INO80: variants seen among roughly 807,000 people sequenced by gnomAD.
INO80 encodes the protein chromatin-remodeling ATPase INO80.
Under a neutral mutation model 203.4 loss-of-function variants are expected in INO80, and 20 were observed. That is an observed-to-expected ratio of 0.10 (90% CI 0.07 to 0.14). INO80 has a LOEUF of 0.14. Ranked by LOEUF, INO80 falls within the 10% of genes least tolerant of loss-of-function variation. INO80 has a pLI of 1.00. For synonymous variants in INO80, 726 were observed against 685.2 expected, an observed-to-expected ratio of 1.06 and a Z score of -0.93; for missense variants, 1,419 against 1,914.4, an observed-to-expected ratio of 0.74 and a Z score of 4.83.
intron 6 of INO80, among the ~76,000 whole-genome samples, chr15:41,085,941 C>T (rs550872066): frequency 1.3e-5 from 2 of 152,258 alleles, no homozygotes; most frequent in African/African-American, 4.8e-5. Flanking sequence ...CTCACTGCAA[C>T]CTCCACCTCC....
At chr15:41,009,115 A>G (rs1194889949) in intron 27 of INO80, among the ~76,000 whole-genome samples, 1 of 152,234 alleles carries the variant, frequency 6.6e-6, no homozygotes, top group Non-Finnish European at 1.5e-5. Context: ...TGCAGGCATC[A>G]GCCACCACAC....
intron 25 of INO80, among the ~76,000 whole-genome samples, chr15:41,022,268 T>C (rs990652045): frequency 5.3e-5 from 8 of 152,196 alleles, no homozygotes; most frequent in Non-Finnish European, 1.0e-4. Flanking sequence ...GATCAGAACA[T>C]AAAACACCGG....
chr15:41,012,201 T>G (rs1254918579), intron 27 of INO80, among the ~76,000 whole-genome samples: 1 of 152,204 alleles, frequency 6.6e-6, no homozygotes, highest in Non-Finnish European at 1.5e-5. Flanking sequence ...AAGTTCTGCC[T>G]GACATCCAGC....
intron 14 of INO80, among the ~76,000 whole-genome samples, chr15:41,066,141 G>A (rs2045209107): frequency 6.6e-6 from 1 of 151,710 alleles, no homozygotes; most frequent in Admixed American, 6.6e-5. Flanking sequence ...ACCATGCCCA[G>A]CTAATTTTGT....
intron 29 of INO80, among the ~76,000 whole-genome samples, chr15:40,993,771 A>AT (rs1234061155): frequency 6.6e-5 from 1 of 15,086 alleles, no homozygotes; most frequent in Non-Finnish European, 1.4e-4. Flanking sequence ...AAAATAAATA[A>AT]ATAAATAAAA....
chr15:40,997,290 C>A, intron 29 of INO80, among the ~76,000 whole-genome samples: 1 of 151,744 alleles, frequency 6.6e-6, no homozygotes. Context: ...AAAACAAAAA[C>A]AAAAAAACTT....
At chr15:41,084,148 C>G (rs2045524975) in intron 7 of INO80, among the ~76,000 whole-genome samples, 1 of 151,244 alleles carries the variant, frequency 6.6e-6, no homozygotes, top group Admixed American at 6.6e-5. Flanking sequence ...ACTGGTGAAT[C>G]TCACTTAAGG....
chr15:41,090,393 T>A (rs59289835), intron 5 of INO80, among the ~76,000 whole-genome samples: 2 of 151,694 alleles, frequency 1.3e-5, no homozygotes, highest in Non-Finnish European at 2.9e-5. Flanking sequence ...CTGGCCAACA[T>A]GGTGAAAACC....
In INO80 at chr15:40,982,912, G is replaced by A. The variant is rs1322503324; in HGVS notation, c.4403C>T (p.Ala1468Val). 6.2e-7 allele frequency: 1 copy of A among 1,613,838 alleles called. No homozygotes were observed. Among genetic ancestry groups the A allele is most frequent in the Non-Finnish European group, 8.5e-7 (1 of 1,180,034 alleles). ...AAMAGAKAGA[A>V]AASAAAYAAY... is the part of the protein sequence containing the mutation. ...GGCATAGGCAGCTGCAGAGGCCGCT[G>A]CAGCCCCGGCTTTGGCTCCTGCCAT... The change falls in exon 35 of 36, where the codon GCA becomes GTA. Residue 1468 changes from alanine (A) to valine (V), a missense_variant. This residue lies in a region of INO80 where 8 missense variants were observed against 25.0 expected (regional missense o/e 0.32). Coordinates refer to ENST00000648947, the MANE Select transcript of INO80 (RefSeq NM_017553.3).
Position 41,095,689 on chromosome 15 carries a change from A to G in INO80, c.314-21T>C, listed in dbSNP as rs749819698. ...TGATTCTGTATAAAGAAACACAAAGAATAAAAAAATTAAAGGATGACTGCC... is the reference window on the plus strand; with the variant it reads ...TGATTCTGTATAAAGAAACACAAAGGATAAAAAAATTAAAGGATGACTGCC... On this transcript the variant is annotated intron_variant, in intron 3 of 35. Coordinates refer to ENST00000648947, the MANE Select transcript of INO80 (RefSeq NM_017553.3). 21 of 1,608,068 alleles carry G rather than the reference A, an allele frequency of 1.3e-5. 1 individual carries two copies. The South Asian group carries it at 2.2e-4, about 17-fold the overall frequency.
At position 41,020,929 on chromosome 15, in the gene INO80, T is replaced by A; in HGVS notation, c.3245A>T (p.Gln1082Leu). The change falls in exon 26 of 36, where the codon CAG becomes CTG. Residue 1082 changes from glutamine (Q) to leucine (L), a missense_variant. By Grantham distance (113) the Gln-to-Leu change is moderately radical. This residue lies in a region of INO80 where 302 missense variants were observed against 345.4 expected (regional missense o/e 0.87). Coordinates refer to ENST00000648947, the MANE Select transcript of INO80 (RefSeq NM_017553.3). ...PAGGLWSIRP[Q>L]NGWSFIRIPG... ...AATCCTGATGAAAGACCAGCCATTC[T>A]GAGGTCTGATGCTCCACAGACCTCC... is the stretch of plus-strand genomic sequence containing the variant. 6.2e-7 allele frequency: 1 copy of A among 1,613,286 alleles called. No individual in the cohort carries two copies. Among genetic ancestry groups the A allele is most frequent in the Non-Finnish European group, 8.5e-7 (1 of 1,179,232 alleles).
chr15:40,997,620 T>C lies in INO80; in HGVS notation c.3498-19A>G, dbSNP rs752506916. On this transcript the variant is annotated intron_variant, in intron 28 of 35. Transcript: ENST00000648947. ...GTCATTCCTGCAGAAAAGGGAGAGA[T>C]ATGTTAAAGGAAAAACTGAAAAGAA... 1 of 1,573,692 alleles carries C rather than the reference T, an allele frequency of 6.4e-7. No homozygotes were observed. Among genetic ancestry groups the C allele is most frequent in the Non-Finnish European group, 8.7e-7 (1 of 1,143,772 alleles).
intron 5 of INO80, 104 bp from the exon 6 acceptor site, chr15:41,087,786 C>T (rs1299215468): frequency 8.9e-7 from 1 of 1,127,292 alleles, no homozygotes; most frequent in Non-Finnish European, 1.2e-6. Context: ...CTCCTAAATA[C>T]AGTATTCTTC....
chr15:41,015,801 G>C (rs563067754), intron 27 of INO80, among the ~76,000 whole-genome samples: 2 of 142,432 alleles, frequency 1.4e-5, no homozygotes, highest in South Asian at 4.5e-4. Flanking sequence ...AAAAAAAAGA[G>C]CTGAGTGTGG....
intron 11 of INO80, among the ~76,000 whole-genome samples, chr15:41,072,680 TAAC>T (rs1427114106): frequency 7.2e-6 from 1 of 139,824 alleles, no homozygotes; most frequent in African/African-American, 2.6e-5. Flanking sequence ...AATAAATAAA[TAAC>T]AAAGAGCAAG....
intron 33 of INO80, 110 bp downstream of exon 33, chr15:40,984,087 A>G (rs937198073): frequency 4.4e-6 from 6 of 1,378,102 alleles, no homozygotes; most frequent in African/African-American, 1.4e-5. Flanking sequence ...ACCTACTTCA[A>G]CAAGGCTGGA....
In INO80 at chr15:41,055,428, TTAGA is replaced by T. The variant is rs561586041; in HGVS notation, c.2071-68_2071-65del. On this transcript the variant is annotated intron_variant, in intron 17 of 35. Coordinates refer to ENST00000648947, the MANE Select transcript of INO80 (RefSeq NM_017553.3). ...TAAAATGACAGCGTGTAAGGATGTA[TTAGA>T]TAGAGAAAATTGCAGGTGTATTAGT... is the stretch of plus-strand genomic sequence containing the variant. 352 of 1,070,720 alleles carry T rather than the reference TTAGA, an allele frequency of 3.3e-4. 3 individuals carry two copies. The African/African-American group carries it at 4.8e-3, about 15-fold the overall frequency. 66.3% of individuals were successfully genotyped at this position (1,070,720 alleles called of 1,614,324 possible).
At chr15:41,027,852 C>T in intron 24 of INO80, 116 bp from the exon 25 acceptor site, 1 of 674,432 alleles carries the variant, frequency 1.5e-6, no homozygotes, top group Admixed American at 3.5e-5. Context: ...CCTGTAAATA[C>T]TATTAATTCT....
intron 1 of INO80, among the ~76,000 whole-genome samples, chr15:41,108,534 G>A (rs563395885): frequency 1.3e-5 from 2 of 150,302 alleles, no homozygotes; most frequent in East Asian, 3.9e-4. Context: ...GGAGCTTGCA[G>A]TGAGCCGAGA....
Sources: gnomAD v4.1 joint callset for allele counts (sites outside exome capture counted in the v4.1 genomes callset) on GRCh38, gnomAD v4.1.1 for gene constraint, gnomAD v4.1.1 regional missense constraint, MANE v1.5 for transcripts, NCBI Gene and HGNC (gene_info 2026-07-23, HGNC 2026-07-21) for gene names.